ABCA7: variants seen among roughly 807,000 people sequenced by gnomAD.
The protein encoded by ABCA7 is phospholipid-transporting ATPase ABCA7.
In ABCA7, 261 loss-of-function variants were observed where a neutral mutation model predicts 227.6. The observed-to-expected ratio is 1.15, with a 90% CI of 1.04 to 1.27. The LOEUF is 1.27. Ranked by LOEUF, ABCA7 falls within the 50% of genes most tolerant of loss-of-function variation. The pLI, the probability that ABCA7 is intolerant of heterozygous loss-of-function variation, is 0.00. For missense variants in ABCA7, 3,331 were observed against 2,924.5 expected (o/e 1.14, Z -3.21); for synonymous variants, 1,488 against 1,279.7 (o/e 1.16, Z -3.47).
chr19:1,064,458 C>G (rs997099545), intron 45 of ABCA7, among the ~76,000 whole-genome samples: 1 of 151,748 alleles, frequency 6.6e-6, no homozygotes, highest in African/African-American at 2.4e-5. Flanking sequence ...AGGCGTGAGC[C>G]GGGGGCTCTG....
intron 18 of ABCA7, among the ~76,000 whole-genome samples, chr19:1,050,010 A>G: frequency 1.1e-5 from 1 of 88,732 alleles, no homozygotes; most frequent in Non-Finnish European, 2.1e-5. Context: ...TGAGCCCCCC[A>G]CCACTTCCTC....
At position 1,047,252 on chromosome 19, in the gene ABCA7, C is replaced by T. The variant is rs1056202963; in HGVS notation, c.1941C>T (p.Ser647=). The change falls in exon 15 of 47, where the codon AGC becomes AGT. Residue 647 remains serine (S), a synonymous_variant. Transcript: ENST00000263094. ...CGGTGACCCAGAGCTTCCTGCTCAG[C>T]GCCTTCTTCTCCCGCGCCAACCTGG... The part of the protein sequence containing the change: ...VATVTQSFLL[S]AFFSRANLAA... The T allele has an allele frequency of 1.9e-6, 3 of 1,607,760 alleles. No individual in the cohort carries two copies. Among genetic ancestry groups the T allele is most frequent in the South Asian group, 1.1e-5 (1 of 90,924 alleles).
chr19:1,047,547 C>G lies in ABCA7; in HGVS notation c.2162C>G (p.Thr721Ser). The G allele has an allele frequency of 6.2e-7, 1 of 1,600,382 alleles. No homozygotes were observed. Among genetic ancestry groups the G allele is most frequent in the Non-Finnish European group, 8.5e-7 (1 of 1,178,288 alleles). The change falls in exon 16 of 47, where the codon ACC becomes AGC. Residue 721 changes from threonine to serine, a missense_variant. By Grantham distance (58) the Thr-to-Ser change is moderately conservative. Coordinates refer to ENST00000263094, the MANE Select transcript of ABCA7 (RefSeq NM_019112.4). ...GEGAQWHNVG[T>S]RPTADVFSLA... ...GGCGCGCAGTGGCACAACGTGGGCA[C>G]CCGGCCTACGGCAGACGTCTTCAGC...
intron 13 of ABCA7, 122 bp downstream of exon 13, chr19:1,046,528 C>A: frequency 7.4e-7 from 1 of 1,349,954 alleles, no homozygotes; most frequent in Non-Finnish European, 1.0e-6. Flanking sequence ...ACCTTTACAC[C>A]ACTCCACGTG....
chr19:1,061,646 C>T, intron 40 of ABCA7, 136 bp from the exon 41 acceptor site: 1 of 761,930 alleles, frequency 1.3e-6, no homozygotes, highest in South Asian at 1.9e-5. Flanking sequence ...TTGCAGTGAG[C>T]CAAGATCGCA....
chr19:1,053,471 C>A lies in ABCA7; in HGVS notation c.3363C>A (p.Asp1121Glu). The A allele has an allele frequency of 6.9e-6, 11 of 1,594,956 alleles. No individual in the cohort carries two copies. Among genetic ancestry groups the A allele is most frequent in the Non-Finnish European group, 9.4e-6 (11 of 1,173,192 alleles). ...TCGCCACACTCTTCCGAGAGCTAGA[C>A]ACGCGGCTGGCGGAGCTGAGGCTCA... ...GSFATLFREL[D>E]TRLAELRLTG... The change falls in exon 24 of 47, where the codon GAC becomes GAA. Residue 1121 changes from aspartate (D) to glutamate (E), a missense_variant. Transcript: ENST00000263094.
Position 1,041,623 on chromosome 19 carries a change from A to C in ABCA7, c.160+20A>C. ...ATGAATGTGAGCCCCCCCAGGGACCAGGCACTTTGTGTGTGTAGGGGAAGG... is the reference window on the plus strand; with the variant it reads ...ATGAATGTGAGCCCCCCCAGGGACCCGGCACTTTGTGTGTGTAGGGGAAGG... On this transcript the variant is annotated intron_variant, in intron 3 of 46. Transcript: ENST00000263094. 1 of 1,608,098 alleles carries C rather than the reference A, an allele frequency of 6.2e-7. No homozygotes were observed. Among genetic ancestry groups the C allele is most frequent in the Non-Finnish European group, 8.5e-7 (1 of 1,178,408 alleles).
At chr19:1,064,727 A>T (rs1223260758) in intron 45 of ABCA7, 1 of 867,632 alleles carries the variant, frequency 1.2e-6, no homozygotes, top group Non-Finnish European at 1.7e-6. Context: ...TAAAAAATTT[A>T]AAAATTAGCT....
At position 1,058,069 on chromosome 19, in the gene ABCA7, C is replaced by T; in HGVS notation, c.5025+10C>T. 1.2e-6 allele frequency: 2 copies of T among 1,613,988 alleles called. No homozygotes were observed. The highest frequency in any genetic ancestry group is 1.6e-4 in the Middle Eastern group (1 of 6,062). On this transcript the variant is annotated intron_variant, in intron 36 of 46. Transcript: ENST00000263094. ...GCTCTTCTCTGATCAGGTGGGGCAC[C>T]ACGAGGCTGGGGCTTGGGCTGGGTT...
rs553600565 is a variant in ABCA7, at chr19:1,054,696, T to G, written c.3851+2T>G. On this transcript the variant is annotated splice_donor_variant, in intron 28 of 46. Transcript: ENST00000263094. LOFTEE classifies it high-confidence loss of function. This position sits in a 1 kb window ranked among gnomAD's most constrained non-coding sequence, Gnocchi z 4.8. ...CGGTGCTCAGGTGTCCTTCTTCAGG[T>G]GGGTGCAGAAGGAAGGGGCTGGTGG... 3.7e-6 allele frequency: 6 copies of G among 1,612,186 alleles called. No individual in the cohort carries two copies. In the South Asian group the frequency reaches 6.6e-5, roughly 18 times the overall value.
chr19:1,049,309 C>A lies in ABCA7; in HGVS notation c.2424C>A (p.Ser808=). ...EAPPGLSPGV[S]VRSLEKRFPG... is the part of the protein sequence containing the mutation. The stretch of plus-strand genomic sequence containing the variant: ...CGCCCGGCCTGAGTCCTGGCGTCTC[C>A]GTTCGCAGCCTGGAGAAGCGCTTTC... Residue 808 remains serine, a synonymous_variant, in exon 18 of 47, where the codon TCC becomes TCA. Coordinates refer to ENST00000263094, the MANE Select transcript of ABCA7 (RefSeq NM_019112.4). The A allele has an allele frequency of 6.2e-7, 1 of 1,611,404 alleles. No individual in the cohort carries two copies. Among genetic ancestry groups the A allele is most frequent in the South Asian group, 1.1e-5 (1 of 91,018 alleles).
At chr19:1,061,571 C>T (rs1391548121) in intron 40 of ABCA7, among the ~76,000 whole-genome samples, 4 of 151,420 alleles carry the variant, frequency 2.6e-5, no homozygotes, top group South Asian at 2.1e-4. Context: ...TGGTGGCAGG[C>T]GTCTGTAGCC....
chr19:1,041,790 G>A (rs1308848263), intron 3 of ABCA7, 41 bp from the exon 4 acceptor site: 2 of 1,598,186 alleles, frequency 1.3e-6, no homozygotes, highest in Non-Finnish European at 1.7e-6. Context: ...GTGGAGTCAG[G>A]CAGAGTCCAC....
intron 2 of ABCA7, 32 bp downstream of exon 2, chr19:1,041,459 G>A (rs377217799): frequency 1.2e-5 from 19 of 1,613,766 alleles, no homozygotes; most frequent in Non-Finnish European, 8.5e-6. Flanking sequence ...AGGGCCGGGT[G>A]GGCAGGCAGC....
intron 16 of ABCA7, 37 bp from the exon 17 acceptor site, chr19:1,048,858 G>T: frequency 3.9e-6 from 5 of 1,293,640 alleles, no homozygotes; most frequent in Non-Finnish European, 5.4e-6. Flanking sequence ...CACTCCTGGG[G>T]GGTGGGCTAA....
At chr19:1,047,410 G>A (rs923620579) in intron 15 of ABCA7, 32 bp downstream of exon 15, 20 of 1,544,098 alleles carry the variant, frequency 1.3e-5, no homozygotes, top group Middle Eastern at 1.9e-4. Flanking sequence ...GATGGGGGAC[G>A]CCCCCCGCTT....
At position 1,053,584 on chromosome 19, in the gene ABCA7, G is replaced by A. The variant is rs947964337; in HGVS notation, c.3423+53G>A. ...GGGCCAGGAGGAGGGCTTCCTGGAGGAGGTGGTGTTTTGAAGGATGAATAG... is the reference window on the plus strand; with the variant it reads ...GGGCCAGGAGGAGGGCTTCCTGGAGAAGGTGGTGTTTTGAAGGATGAATAG... On this transcript the variant is annotated intron_variant, in intron 24 of 46. Coordinates refer to ENST00000263094, the MANE Select transcript of ABCA7 (RefSeq NM_019112.4). The A allele has an allele frequency of 1.9e-6, 3 of 1,541,118 alleles. No individual in the cohort carries two copies. In the African/African-American group the frequency reaches 4.1e-5, roughly 21 times the overall value.
At chr19:1,049,121 C>G (rs2041095612) in intron 17 of ABCA7, 116 bp downstream of exon 17, 2 of 1,058,132 alleles carry the variant, frequency 1.9e-6, no homozygotes, top group South Asian at 3.1e-5. Flanking sequence ...TCACACCTGC[C>G]CTGAAGACAC....
Position 1,047,232 on chromosome 19 carries a change from A to T in ABCA7, c.1921A>T (p.Thr641Ser), listed in dbSNP as rs1221251796. Residue 641 changes from threonine (T) to serine (S), a missense_variant, in exon 15 of 47, where the codon ACC (threonine) becomes TCC (serine). Coordinates refer to ENST00000263094, the MANE Select transcript of ABCA7 (RefSeq NM_019112.4). ...FLAAFAVATV[T>S]QSFLLSAFFS... The stretch of plus-strand genomic sequence containing the variant: ...GGCAGCCTTCGCGGTGGCCACGGTG[A>T]CCCAGAGCTTCCTGCTCAGCGCCTT... 1.2e-6 allele frequency: 2 copies of T among 1,607,732 alleles called. No homozygotes were observed. Among genetic ancestry groups the T allele is most frequent in the East Asian group, 2.2e-5 (1 of 44,776 alleles).
Sources: gnomAD v4.1 joint callset for allele counts (sites outside exome capture counted in the v4.1 genomes callset) on GRCh38, gnomAD v4.1.1 for gene constraint, Gnocchi (gnomAD v3.1) non-coding constraint, MANE v1.5 for transcripts, NCBI Gene and HGNC (gene_info 2026-07-23, HGNC 2026-07-21) for gene names.